The following PTGFRN variants were observed in gnomAD, a reference collection of about 807,000 sequenced individuals.
The protein encoded by PTGFRN is prostaglandin F2 receptor inhibitor.
PTGFRN carries 35 observed loss-of-function variants against 83.2 expected under a neutral mutation model. That is an observed-to-expected ratio of 0.42 (90% CI 0.32 to 0.56). PTGFRN has a LOEUF of 0.56. Ranked by LOEUF, PTGFRN falls within the 20% of genes least tolerant of loss-of-function variation. The pLI is 0.11. For missense variants in PTGFRN, 1,051 were observed against 1,179.5 expected (o/e 0.89, Z 1.60); for synonymous variants, 519 against 498.6 (o/e 1.04, Z -0.55).
chr1:116,938,407 A>AG (rs901201999), intron 1 of PTGFRN, among the ~76,000 whole-genome samples: 2 of 152,228 alleles, frequency 1.3e-5, no homozygotes, highest in African/African-American at 4.8e-5. Flanking sequence ...GCGGAAGGCA[A>AG]GGAGGGGCAA....
At chr1:116,914,375 A>G (rs1649347624) in intron 1 of PTGFRN, among the ~76,000 whole-genome samples, 1 of 152,242 alleles carries the variant, frequency 6.6e-6, no homozygotes, top group Admixed American at 6.5e-5. Flanking sequence ...GCCATGTGCC[A>G]GCTACTATGG....
At chr1:116,965,153 A>G (rs1158588370) in intron 5 of PTGFRN, among the ~76,000 whole-genome samples, 4 of 152,144 alleles carry the variant, frequency 2.6e-5, no homozygotes, top group Admixed American at 2.0e-4. Flanking sequence ...CAGGCTCCTC[A>G]AATACACCAA....
intron 7 of PTGFRN, among the ~76,000 whole-genome samples, chr1:116,976,960 T>C (rs1651174430): frequency 6.6e-6 from 1 of 152,154 alleles, no homozygotes; most frequent in Non-Finnish European, 1.5e-5. Flanking sequence ...CCCATCAGTG[T>C]GCTATATTCA....
At chr1:116,919,175 A>G (rs528239655) in intron 1 of PTGFRN, among the ~76,000 whole-genome samples, 2 of 152,296 alleles carry the variant, frequency 1.3e-5, no homozygotes, top group East Asian at 3.9e-4. Flanking sequence ...TTGAGCTAAT[A>G]TCTGACTGGG....
chr1:116,970,008 C>A (rs923556686), intron 6 of PTGFRN, among the ~76,000 whole-genome samples: 2 of 152,050 alleles, frequency 1.3e-5, no homozygotes, highest in Non-Finnish European at 2.9e-5. Flanking sequence ...GGACTTGTTA[C>A]AATTTTTAAA....
At chr1:116,922,205 T>A (rs1259093429) in intron 1 of PTGFRN, among the ~76,000 whole-genome samples, 1 of 152,094 alleles carries the variant, frequency 6.6e-6, no homozygotes, top group Non-Finnish European at 1.5e-5. Context: ...CCTGCTAAAT[T>A]AAGGTGATAA....
At chr1:116,957,157 G>T (rs1650525237) in intron 4 of PTGFRN, among the ~76,000 whole-genome samples, 1 of 144,374 alleles carries the variant, frequency 6.9e-6, no homozygotes, top group Admixed American at 6.8e-5. Flanking sequence ...CTCGCTGTGT[G>T]TGTGTGTGTG....
At chr1:116,980,535 A>G (rs943004773) in intron 7 of PTGFRN, among the ~76,000 whole-genome samples, 2 of 152,246 alleles carry the variant, frequency 1.3e-5, no homozygotes, top group Non-Finnish European at 2.9e-5. Context: ...ATAAAAAAGG[A>G]TGAGTTCATG....
At chr1:116,977,634 T>C (rs1265457987) in intron 7 of PTGFRN, among the ~76,000 whole-genome samples, 1 of 152,066 alleles carries the variant, frequency 6.6e-6, no homozygotes. Flanking sequence ...GGGTACATAA[T>C]GAAATGAAGA....
intron 5 of PTGFRN, among the ~76,000 whole-genome samples, chr1:116,962,154 T>G (rs1650681941): frequency 1.3e-5 from 2 of 152,280 alleles, no homozygotes; most frequent in South Asian, 4.1e-4. Context: ...AATATCTAGC[T>G]TCGAATCTCG....
At chr1:116,981,976 C>G (rs988606243) in intron 7 of PTGFRN, among the ~76,000 whole-genome samples, 2 of 152,122 alleles carry the variant, frequency 1.3e-5, no homozygotes, top group African/African-American at 4.8e-5. Flanking sequence ...CAATCCCACC[C>G]ACATCCATGG....
chr1:116,981,497 G>C (rs1401177683), intron 7 of PTGFRN, among the ~76,000 whole-genome samples: 1 of 152,250 alleles, frequency 6.6e-6, no homozygotes, highest in Admixed American at 6.5e-5. Flanking sequence ...TCTAAGCAAA[G>C]GGCGGTGGCC....
chr1:116,928,190 CT>C (rs1259414302), intron 1 of PTGFRN, among the ~76,000 whole-genome samples: 1 of 152,166 alleles, frequency 6.6e-6, no homozygotes, highest in African/African-American at 2.4e-5. Flanking sequence ...AAATAACAGA[CT>C]TTGTGAGATT....
At chr1:116,963,353 T>G (rs1456013769) in intron 5 of PTGFRN, among the ~76,000 whole-genome samples, 1 of 152,182 alleles carries the variant, frequency 6.6e-6, no homozygotes, top group Non-Finnish European at 1.5e-5. Flanking sequence ...CTTCCTATTC[T>G]CCTAAAAGTA....
chr1:116,961,359 A>T lies in PTGFRN; in HGVS notation c.1330A>T (p.Thr444Ser), dbSNP rs1650656665. The change falls in exon 5 of 9, where the codon ACG becomes TCG. Residue 444 changes from threonine to serine, a missense_variant. Thr to Ser is a moderately conservative substitution (Grantham distance 58). Transcript: ENST00000393203. The surrounding 1 kb of genome is among the most constrained non-coding windows in gnomAD (Gnocchi z 5.4). ...TKSGEANVRF[T>S]VSWYYRMNRR... ...GAGTGGGGAGGCGAATGTCCGATTC[A>T]CGGTTTCGTGGTACTACAGGATGAA... The T allele has an allele frequency of 3.8e-6, 6 of 1,596,946 alleles. No homozygotes were observed. Among genetic ancestry groups the T allele is most frequent in the Non-Finnish European group, 5.1e-6 (6 of 1,168,940 alleles).
At position 116,980,687 on chromosome 1, in the gene PTGFRN, A is replaced by G. The variant is rs1651290839; in HGVS notation, c.2168-3993A>G. ...ACTTGGACACAGGAAGGGGAACATC[A>G]CACACCAGGGCCTGTCGTGGGGTCG... On this transcript the variant is annotated intron_variant, in intron 7 of 8. Coordinates refer to ENST00000393203, the MANE Select transcript of PTGFRN (RefSeq NM_020440.4). Among the ~76,000 whole-genome samples, 7 of 152,306 alleles carry G rather than the reference A, an allele frequency of 4.6e-5. No homozygotes were observed. The South Asian group carries it at 1.4e-3, about 32-fold the overall frequency.
In PTGFRN at chr1:116,967,090, T is replaced by C. The variant is rs1377257900; in HGVS notation, c.1819T>C (p.Ser607Pro). Residue 607 changes from serine (S) to proline (P), a missense_variant, in exon 6 of 9, where the codon TCT becomes CCT. By Grantham distance (74) the Ser-to-Pro change is moderately conservative (BLOSUM62 -1). Coordinates refer to ENST00000393203, the MANE Select transcript of PTGFRN (RefSeq NM_020440.4). ...SSPNETKYII[S>P]LDQDSVVKLE... is the part of the protein sequence containing the mutation. Reference sequence around the variant, plus strand: ...TCCCAATGAAACGAAGTACATCATCTCTCTGGACCAGGATTCTGTGGTGAA... The same window carrying C: ...TCCCAATGAAACGAAGTACATCATCCCTCTGGACCAGGATTCTGTGGTGAA... 1 of 1,614,218 alleles carries C rather than the reference T, an allele frequency of 6.2e-7. No homozygotes were observed.
intron 1 of PTGFRN, among the ~76,000 whole-genome samples, chr1:116,930,602 T>C (rs1398605706): frequency 6.6e-6 from 1 of 152,244 alleles, no homozygotes; most frequent in African/African-American, 2.4e-5. Flanking sequence ...CTTTGGCTTC[T>C]GTCTCCCCTC....
Position 116,952,591 on chromosome 1 carries a change from A to G in PTGFRN, c.1213+3019A>G, listed in dbSNP as rs1169996462. 1.1e-5 allele frequency among the ~76,000 whole-genome samples: 1 copy of G among 90,124 alleles called. No individual in the cohort carries two copies. The highest frequency in any genetic ancestry group is 2.3e-5 in the Non-Finnish European group (1 of 44,046). The allele number at this position is 90,124 out of a possible 152,430, so 59.1% of individuals were successfully genotyped here. A position where few individuals can be genotyped will look rare whatever the true frequency, so the allele number is the denominator to read the frequency against. Reference sequence around the variant, plus strand: ...AGGTGGTTGGTATGAATTAGTTATTATATTTGAGCACTGAATTTGCCTCTG... The same window carrying G: ...AGGTGGTTGGTATGAATTAGTTATTGTATTTGAGCACTGAATTTGCCTCTG... On this transcript the variant is annotated intron_variant, in intron 4 of 8. Coordinates refer to ENST00000393203, the MANE Select transcript of PTGFRN (RefSeq NM_020440.4). The surrounding 1 kb of genome is among the most constrained non-coding windows in gnomAD (Gnocchi z 4.0).
Sources: gnomAD v4.1 joint callset for allele counts (sites outside exome capture counted in the v4.1 genomes callset) on GRCh38, gnomAD v4.1.1 for gene constraint, Gnocchi (gnomAD v3.1) non-coding constraint, MANE v1.5 for transcripts, NCBI Gene and HGNC (gene_info 2026-07-23, HGNC 2026-07-21) for gene names.